Variants in TGFBR2 observed in about 807,000 individuals in gnomAD.
TGFBR2 encodes the protein transforming growth factor beta receptor 2.
TGFBR2 carries 18 observed loss-of-function variants against 49.0 expected under a neutral mutation model. The ratio of observed to expected loss-of-function variants is 0.37; its 90% CI spans 0.25 to 0.54. TGFBR2 has a LOEUF of 0.54. Among genes scored for constraint, TGFBR2 ranks in the 20% least tolerant of loss-of-function variants. The probability of loss-of-function intolerance (pLI) is 0.85; values close to 1 mark genes in which losing one functional copy is unlikely to be tolerated. For missense variants in TGFBR2, 525 were observed against 722.6 expected (o/e 0.73, Z 3.13); for synonymous variants, 282 against 275.9 (o/e 1.02, Z -0.22).
intron 1 of TGFBR2, among the ~76,000 whole-genome samples, chr3:30,619,850 T>C (rs1698195424): frequency 6.6e-6 from 1 of 152,202 alleles, no homozygotes; most frequent in African/African-American, 2.4e-5. Flanking sequence ...CTCATTCATA[T>C]GACCTTGTTT....
chr3:30,669,742 C>A (rs1342134958), intron 3 of TGFBR2, among the ~76,000 whole-genome samples: 2 of 152,234 alleles, frequency 1.3e-5, no homozygotes, highest in Non-Finnish European at 2.9e-5. Flanking sequence ...TTCACCCGTG[C>A]AAGCTCCCAG....
intron 5 of TGFBR2, among the ~76,000 whole-genome samples, chr3:30,683,664 TAA>T (rs926710337): frequency 1.8e-4 from 28 of 152,338 alleles, no homozygotes; most frequent in African/African-American, 5.1e-4. Context: ...TTTTCCAAAA[TAA>T]AAATATTTTA....
At chr3:30,629,187 G>T (rs1479277245) in intron 1 of TGFBR2, among the ~76,000 whole-genome samples, 1 of 152,206 alleles carries the variant, frequency 6.6e-6, no homozygotes, top group Non-Finnish European at 1.5e-5. Context: ...GCCACATGTG[G>T]CTATTAAGCA....
chr3:30,652,179 G>T (rs1698902904), intron 3 of TGFBR2, among the ~76,000 whole-genome samples: 1 of 145,464 alleles, frequency 6.9e-6, no homozygotes, highest in African/African-American at 2.6e-5. Context: ...TCCTTCCTAT[G>T]TTCTCATCCT....
At chr3:30,606,522 G>C (rs903688888), upstream of TGFBR2, 1 of 262,464 alleles carries the variant, frequency 3.8e-6, no homozygotes, top group African/African-American at 2.2e-5. Flanking sequence ...AAGGCTCTCG[G>C]GCGGAGAGAG....
At chr3:30,641,032 A>G (rs1698634369) in intron 1 of TGFBR2, among the ~76,000 whole-genome samples, 1 of 152,290 alleles carries the variant, frequency 6.6e-6, no homozygotes, top group Non-Finnish European at 1.5e-5. Context: ...GCAATGTCCC[A>G]TACAGCAAAT....
At chr3:30,631,621 C>CTTTTTTTTTTTTT (rs71093918) in intron 1 of TGFBR2, among the ~76,000 whole-genome samples, 2 of 115,382 alleles carry the variant, frequency 1.7e-5, no homozygotes, top group Non-Finnish European at 3.7e-5. Context: ...CAACTTCTTT[C>CTTTTTTTTTTTTT]TTTTTTTTTT....
chr3:30,621,278 CTTTTT>C (rs10688941), intron 1 of TGFBR2, among the ~76,000 whole-genome samples: 1 of 116,310 alleles, frequency 8.6e-6, no homozygotes, highest in Non-Finnish European at 1.7e-5. Flanking sequence ...TTTTAATATT[CTTTTT>C]TTTTTTTTTT....
intron 3 of TGFBR2, among the ~76,000 whole-genome samples, chr3:30,665,854 T>G (rs1273377273): frequency 1.3e-5 from 2 of 152,230 alleles, no homozygotes; most frequent in East Asian, 3.8e-4. Flanking sequence ...AAATAGAACA[T>G]GGAGTATTTC....
chr3:30,622,141 A>C (rs1559448862), intron 1 of TGFBR2, among the ~76,000 whole-genome samples: 1 of 152,224 alleles, frequency 6.6e-6, no homozygotes, highest in Non-Finnish European at 1.5e-5. Context: ...TCAGCACTTT[A>C]ATAAAATTTA....
rs1699444624 is a variant in TGFBR2, at chr3:30,676,710, C to G, written c.1396+2464C>G. The stretch of plus-strand genomic sequence containing the variant: ...GTTCAGAATATGCATAGCCAATTCT[C>G]CAGCGTGGGTCCGGGTCACCCCCTC... On this transcript the variant is annotated intron_variant, in intron 5 of 6. Coordinates refer to ENST00000295754, the MANE Select transcript of TGFBR2 (RefSeq NM_003242.6). This position sits in a 1 kb window ranked among gnomAD's most constrained non-coding sequence, Gnocchi z 4.3. Among the ~76,000 whole-genome samples the G allele has an allele frequency of 6.6e-6, 1 of 152,212 alleles. No homozygotes were observed. The highest frequency in any genetic ancestry group is 2.1e-4 in the South Asian group (1 of 4,830).
At chr3:30,689,197 T>C (rs3773662) in intron 6 of TGFBR2, among the ~76,000 whole-genome samples, 13,569 of 152,264 alleles carry the variant, frequency 0.089, 856 homozygotes, top group African/African-American at 0.16. Flanking sequence ...GCAGTCATTC[T>C]GGACTCATAA....
intron 3 of TGFBR2, among the ~76,000 whole-genome samples, chr3:30,657,127 C>T (rs908469714): frequency 2.0e-5 from 3 of 152,042 alleles, no homozygotes; most frequent in Admixed American, 6.6e-5. Context: ...ACTTTTTGTC[C>T]GTAGGAGAAT....
intron 1 of TGFBR2, among the ~76,000 whole-genome samples, chr3:30,634,954 C>T (rs72849357): frequency 0.02 from 3,024 of 152,216 alleles, 111 homozygotes; most frequent in African/African-American, 0.07. Context: ...TCTTCTCAGC[C>T]CCAAACCCTA....
Position 30,676,463 on chromosome 3 carries a change from G to T in TGFBR2, c.1396+2217G>T, listed in dbSNP as rs185401523. 5.1e-4 allele frequency among the ~76,000 whole-genome samples: 78 copies of T among 152,108 alleles called. No homozygotes were observed. Among genetic ancestry groups the T allele is most frequent in the Non-Finnish European group, 1.0e-3 (68 of 68,002 alleles). ...TTAATATGCATTCTCCTTTAAAAAA[G>T]ATCTGTCTCTTCTGACACCATCCCC... On this transcript the variant is annotated intron_variant, in intron 5 of 6. Coordinates refer to ENST00000295754, the MANE Select transcript of TGFBR2 (RefSeq NM_003242.6). This position sits in a 1 kb window ranked among gnomAD's most constrained non-coding sequence, Gnocchi z 4.3.
In TGFBR2 at chr3:30,647,568, A is replaced by C. The variant is rs76044943; in HGVS notation, c.263+2653A>C. Among the ~76,000 whole-genome samples the C allele has an allele frequency of 6.9e-3, 1,050 of 152,104 alleles. 9 individuals are homozygous for C. The highest frequency in any genetic ancestry group is 0.024 in the African/African-American group (990 of 41,504). ...AATCAGTTTTAGTGTTTTTTCATTC[A>C]TTCATTCATTCATTCATTCATTTAA... On this transcript the variant is annotated intron_variant, in intron 2 of 6. Transcript: ENST00000295754.
intron 6 of TGFBR2, among the ~76,000 whole-genome samples, chr3:30,690,063 C>G (rs976564496): frequency 2.6e-5 from 4 of 152,088 alleles, no homozygotes; most frequent in African/African-American, 9.7e-5. Flanking sequence ...GAGAGATAGG[C>G]TCCTAGGTGT....
chr3:30,652,170 C>T (rs934714875), intron 3 of TGFBR2, among the ~76,000 whole-genome samples: 3 of 151,962 alleles, frequency 2.0e-5, no homozygotes, highest in African/African-American at 4.8e-5. Context: ...GATTACTCTT[C>T]CTTCCTATGT....
At chr3:30,634,008 T>C (rs1382863257) in intron 1 of TGFBR2, among the ~76,000 whole-genome samples, 1 of 152,214 alleles carries the variant, frequency 6.6e-6, no homozygotes, top group Non-Finnish European at 1.5e-5. Context: ...ATGGAAATCA[T>C]CTGTTTTGAC....
Sources: gnomAD v4.1 joint callset for allele counts (sites outside exome capture counted in the v4.1 genomes callset) on GRCh38, gnomAD v4.1.1 for gene constraint, Gnocchi (gnomAD v3.1) non-coding constraint, MANE v1.5 for transcripts, NCBI Gene and HGNC (gene_info 2026-07-23, HGNC 2026-07-21) for gene names.